Variants in ADCY8 observed in about 807,000 individuals in gnomAD.
ADCY8 encodes the protein adenylate cyclase 8.
ADCY8 carries 51 observed loss-of-function variants against 119.7 expected under a neutral mutation model. The ratio of observed to expected loss-of-function variants is 0.43; its 90% CI spans 0.34 to 0.54. The LOEUF is 0.54. ADCY8 is among the 20% of genes least tolerant of loss of function. The pLI is 0.03. For synonymous variants in ADCY8, 665 were observed against 651.0 expected (o/e 1.02, Z -0.33); for missense variants, 1,383 against 1,598.8 (o/e 0.87, Z 2.30).
At chr8:130,978,034 G>A (rs1822127891) in intron 2 of ADCY8, among the ~76,000 whole-genome samples, 1 of 152,150 alleles carries the variant, frequency 6.6e-6, no homozygotes, top group South Asian at 2.1e-4. Flanking sequence ...GCTCTGCACT[G>A]GGGAGAGCAG....
chr8:130,961,614 C>A (rs11786761), intron 2 of ADCY8, among the ~76,000 whole-genome samples: 118,974 of 151,952 alleles, frequency 0.78, 49,990 homozygotes, highest in East Asian at 0.95. Context: ...TATCCTTCCA[C>A]TTCCCTTCTT....
intron 8 of ADCY8, among the ~76,000 whole-genome samples, chr8:130,873,199 ACT>A (rs542972539): frequency 8.1e-4 from 123 of 152,156 alleles, no homozygotes; most frequent in African/African-American, 2.4e-3. Context: ...GCTTTCCTAG[ACT>A]CTCCATTTTG....
intron 6 of ADCY8, among the ~76,000 whole-genome samples, chr8:130,909,496 G>A (rs139881262): frequency 7.6e-4 from 116 of 152,264 alleles, no homozygotes; most frequent in African/African-American, 2.7e-3. Context: ...GCAGAGACCC[G>A]AACACCTCAG....
At chr8:130,886,888 A>T (rs1819004427) in intron 7 of ADCY8, among the ~76,000 whole-genome samples, 1 of 152,118 alleles carries the variant, frequency 6.6e-6, no homozygotes, top group Non-Finnish European at 1.5e-5. Context: ...TTCAAAAAAT[A>T]GTTTGGGGAT....
In ADCY8 at chr8:130,947,235, G is replaced by A. The variant is rs1296329790; in HGVS notation, c.1242-3773C>T. Among the ~76,000 whole-genome samples the A allele has an allele frequency of 2.6e-5, 4 of 152,150 alleles. No individual in the cohort carries two copies. In the East Asian group the frequency reaches 7.7e-4, roughly 29 times the overall value. On this transcript the variant is annotated intron_variant, in intron 3 of 17. Coordinates refer to ENST00000286355, the MANE Select transcript of ADCY8 (RefSeq NM_001115.3). Reference sequence around the variant, plus strand: ...AGTTCAATAGAATCATTAGGAACGTGGTCCCTGTGTAGACTCCTCTCACTA... The same window carrying A: ...AGTTCAATAGAATCATTAGGAACGTAGTCCCTGTGTAGACTCCTCTCACTA...
At chr8:130,787,648 T>A (rs111206153) in intron 15 of ADCY8, among the ~76,000 whole-genome samples, 2 of 152,352 alleles carry the variant, frequency 1.3e-5, no homozygotes, top group African/African-American at 4.8e-5. Context: ...ACAGTACATG[T>A]GTGCATGTGT....
chr8:130,810,434 G>A (rs1201169026), intron 14 of ADCY8, among the ~76,000 whole-genome samples: 1 of 151,646 alleles, frequency 6.6e-6, no homozygotes, highest in African/African-American at 2.4e-5. Context: ...GCATTGTAAG[G>A]GGGAGAGGGG....
At chr8:131,038,018 C>A (rs938885143) in intron 1 of ADCY8, among the ~76,000 whole-genome samples, 10 of 152,126 alleles carry the variant, frequency 6.6e-5, no homozygotes, top group African/African-American at 2.4e-4. Context: ...AAACTCTTTG[C>A]TTTACCCAGA....
At chr8:130,893,067 T>TAC (rs1210199378) in intron 7 of ADCY8, among the ~76,000 whole-genome samples, 2 of 152,176 alleles carry the variant, frequency 1.3e-5, no homozygotes, top group African/African-American at 4.8e-5. Context: ...TCTGAGACAT[T>TAC]ACACACTTGG....
chr8:130,977,275 TCAATC>T (rs1285576805), intron 2 of ADCY8, among the ~76,000 whole-genome samples: 1 of 152,204 alleles, frequency 6.6e-6, no homozygotes, highest in African/African-American at 2.4e-5. Flanking sequence ...AGAACAATGA[TCAATC>T]CAACCTTTCT....
chr8:130,847,943 G>A (rs931391588), intron 10 of ADCY8, among the ~76,000 whole-genome samples: 3 of 152,160 alleles, frequency 2.0e-5, no homozygotes, highest in African/African-American at 7.2e-5. Context: ...TCTTAGCACT[G>A]GGGTGATGGG....
chr8:130,947,075 T>C lies in ADCY8; in HGVS notation c.1242-3613A>G, dbSNP rs1376254337. The stretch of plus-strand genomic sequence containing the variant: ...AATTTGTAGCTTTCCAGGATGAATA[T>C]ACCAAGGGGGCCATAGTAATTTTCA... On this transcript the variant is annotated intron_variant, in intron 3 of 17. Transcript: ENST00000286355. Among the ~76,000 whole-genome samples the C allele has an allele frequency of 3.3e-5, 5 of 152,286 alleles. No homozygotes were observed. The East Asian group carries it at 9.6e-4, about 29-fold the overall frequency.
intron 11 of ADCY8, among the ~76,000 whole-genome samples, chr8:130,846,813 CTCCCT>C (rs1444640037): frequency 3.7e-5 from 3 of 80,780 alleles, no homozygotes; most frequent in Non-Finnish European, 5.2e-5. Flanking sequence ...CTTCCCTCCC[CTCCCT>C]TTCCTTCCTT....
At chr8:130,846,228 G>A (rs1467598166) in intron 11 of ADCY8, among the ~76,000 whole-genome samples, 1 of 152,034 alleles carries the variant, frequency 6.6e-6, no homozygotes, top group Non-Finnish European at 1.5e-5. Context: ...GTTGGCTGGG[G>A]TCTGCTGGGA....
At chr8:130,878,941 T>C (rs1818664905) in intron 8 of ADCY8, among the ~76,000 whole-genome samples, 1 of 152,188 alleles carries the variant, frequency 6.6e-6, no homozygotes, top group African/African-American at 2.4e-5. Context: ...AAACATGTCT[T>C]AATCTTTATT....
At chr8:130,846,888 T>TTCCC (rs56726941) in intron 11 of ADCY8, among the ~76,000 whole-genome samples, 1,239 of 19,844 alleles carry the variant, frequency 0.062, 168 homozygotes, top group East Asian at 0.15. Flanking sequence ...TTCCCTTCCC[T>TTCCC]TTCCTTCCTT....
chr8:130,953,729 T>C (rs1183638559), intron 2 of ADCY8, among the ~76,000 whole-genome samples: 1 of 152,138 alleles, frequency 6.6e-6, no homozygotes, highest in Non-Finnish European at 1.5e-5. Flanking sequence ...TTCAATGCAA[T>C]AAAATATGTG....
chr8:130,845,275 G>A (rs925730293), intron 11 of ADCY8, among the ~76,000 whole-genome samples: 10 of 152,288 alleles, frequency 6.6e-5, no homozygotes, highest in Admixed American at 5.9e-4. Flanking sequence ...TTAATTCAAA[G>A]TGATGTGTGG....
rs184606329 is a variant in ADCY8, at chr8:130,799,602, C to T, written c.3060+824G>A. 8.5e-5 allele frequency among the ~76,000 whole-genome samples: 13 copies of T among 152,352 alleles called. No individual in the cohort carries two copies. In the East Asian group the frequency reaches 2.3e-3, roughly 27 times the overall value. ...CCTCCTTTTGGAGAATTTGCTTGGC[C>T]TCATGAGAACTCCCTTGCTGGAAAT... On this transcript the variant is annotated intron_variant, in intron 15 of 17. Transcript: ENST00000286355.
Sources: gnomAD v4.1 joint callset for allele counts (sites outside exome capture counted in the v4.1 genomes callset) on GRCh38, gnomAD v4.1.1 for gene constraint, MANE v1.5 for transcripts, NCBI Gene and HGNC (gene_info 2026-07-23, HGNC 2026-07-21) for gene names.